Variants in RPS6KC1 observed in about 807,000 individuals in gnomAD.
The protein encoded by RPS6KC1 is inactive ribosomal protein S6 kinase delta-1.
In RPS6KC1, 54 loss-of-function variants were observed where a neutral mutation model predicts 103.8. The observed-to-expected ratio is 0.52, with a 90% CI of 0.42 to 0.65. RPS6KC1 has a LOEUF of 0.65. Ranked by LOEUF, RPS6KC1 falls within the 30% of genes least tolerant of loss-of-function variation. RPS6KC1 has a pLI of 0.00. For missense variants in RPS6KC1, 1,151 were observed against 1,253.8 expected, an observed-to-expected ratio of 0.92 and a Z score of 1.24; for synonymous variants, 439 against 438.7, an observed-to-expected ratio of 1.00 and a Z score of -0.01.
the RPS6KC1 span, among the ~76,000 whole-genome samples, chr1:213,411,398 T>C: frequency 6.6e-6 from 1 of 152,172 alleles, no homozygotes; most frequent in African/African-American, 2.4e-5. Flanking sequence ...CAGTAGGCCA[T>C]CGGGCTTTTG....
the RPS6KC1 span, among the ~76,000 whole-genome samples, chr1:213,427,332 A>G: frequency 6.6e-6 from 1 of 152,140 alleles, no homozygotes; most frequent in Non-Finnish European, 1.5e-5. Flanking sequence ...ACCATCTAAG[A>G]ATTTTTTGTA....
At chr1:213,320,061 G>A in the RPS6KC1 span, among the ~76,000 whole-genome samples, 5 of 152,158 alleles carry the variant, frequency 3.3e-5, no homozygotes, top group Non-Finnish European at 7.4e-5. Context: ...AGAAGAAGAG[G>A]GTAGAATAAG....
the RPS6KC1 span, among the ~76,000 whole-genome samples, chr1:213,723,896 A>T: frequency 6.6e-6 from 1 of 151,542 alleles, no homozygotes; most frequent in Non-Finnish European, 1.5e-5. Flanking sequence ...ATGTCAAATA[A>T]TAATAAAGCC....
the RPS6KC1 span, among the ~76,000 whole-genome samples, chr1:213,398,082 A>T: frequency 2.0e-5 from 3 of 150,462 alleles, no homozygotes; most frequent in African/African-American, 7.4e-5. Context: ...CCCAGGCTGG[A>T]GTGCAGTGGT....
chr1:213,794,798 A>G, the RPS6KC1 span, among the ~76,000 whole-genome samples: 1 of 152,214 alleles, frequency 6.6e-6, no homozygotes, highest in South Asian at 2.1e-4. Context: ...TTAAAGGCAT[A>G]AGTGACAGTC....
At chr1:213,194,427 G>C (rs1282334178) in intron 8 of RPS6KC1, among the ~76,000 whole-genome samples, 2 of 151,988 alleles carry the variant, frequency 1.3e-5, no homozygotes, top group African/African-American at 4.8e-5. Context: ...TTCTCTGATG[G>C]TATGATTTAA....
In RPS6KC1 at chr1:213,129,881, G is replaced by T. The variant is rs778631756; in HGVS notation, c.827G>T (p.Gly276Val). The T allele has an allele frequency of 6.3e-7, 1 of 1,594,788 alleles. No homozygotes were observed. Among genetic ancestry groups the T allele is most frequent in the Non-Finnish European group, 8.5e-7 (1 of 1,175,346 alleles). Residue 276 changes from glycine to valine, a missense_variant, in exon 6 of 15, where the codon GGT becomes GTT. Physicochemically the swap from Gly to Val is moderately radical, Grantham distance 109. Around this residue, in one of 3 missense-constraint regions of RPS6KC1, gnomAD observed 959 missense variants for 1,006.3 expected, o/e 0.95. Coordinates refer to ENST00000366960, the MANE Select transcript of RPS6KC1 (RefSeq NM_012424.6). ...YRKGVDLLLEGVQGESSPTRR... is the reference protein window; with the variant it reads ...YRKGVDLLLEVVQGESSPTRR... ...AAGGGAGTTGATTTACTCCTAGAAGGTGTTCAAGGTATGGTTTTATGTATA... is the reference window on the plus strand; with the variant it reads ...AAGGGAGTTGATTTACTCCTAGAAGTTGTTCAAGGTATGGTTTTATGTATA...
chr1:213,080,685 C>T (rs1484467816), intron 3 of RPS6KC1, among the ~76,000 whole-genome samples: 1 of 152,142 alleles, frequency 6.6e-6, no homozygotes, highest in African/African-American at 2.4e-5. Context: ...CCACCTCAGC[C>T]CCCCGAGTAG....
chr1:213,420,092 G>A, the RPS6KC1 span, among the ~76,000 whole-genome samples: 3 of 152,186 alleles, frequency 2.0e-5, no homozygotes, highest in Non-Finnish European at 4.4e-5. Flanking sequence ...CAATTTATCA[G>A]TATTTTCCTG....
the RPS6KC1 span, among the ~76,000 whole-genome samples, chr1:213,463,312 T>C: frequency 1.3e-5 from 2 of 152,180 alleles, no homozygotes; most frequent in South Asian, 2.1e-4. Context: ...TAGGCTCTGC[T>C]TCAGTTTGAA....
the RPS6KC1 span, among the ~76,000 whole-genome samples, chr1:213,773,036 T>C: frequency 6.6e-6 from 1 of 152,214 alleles, no homozygotes; most frequent in Admixed American, 6.5e-5. Flanking sequence ...GACCATGTTC[T>C]GCAAAGCCTT....
chr1:213,429,504 G>A, the RPS6KC1 span, among the ~76,000 whole-genome samples: 1 of 152,118 alleles, frequency 6.6e-6, no homozygotes, highest in Non-Finnish European at 1.5e-5. Context: ...TCTTTCCCTC[G>A]CTACCTTTTT....
At chr1:213,585,855 G>T in the RPS6KC1 span, among the ~76,000 whole-genome samples, 2 of 152,098 alleles carry the variant, frequency 1.3e-5, no homozygotes, top group Non-Finnish European at 2.9e-5. Flanking sequence ...AAGACTGGGT[G>T]CCCAGGATGA....
the RPS6KC1 span, among the ~76,000 whole-genome samples, chr1:213,675,982 A>G: frequency 6.6e-6 from 1 of 152,150 alleles, no homozygotes; most frequent in Non-Finnish European, 1.5e-5. Context: ...AGCTAAACCT[A>G]TTACATCCTT....
At chr1:213,396,559 CA>C in the RPS6KC1 span, among the ~76,000 whole-genome samples, 4 of 152,174 alleles carry the variant, frequency 2.6e-5, no homozygotes, top group African/African-American at 7.2e-5. Flanking sequence ...GTACTAGTGT[CA>C]GGGGGCAGCT....
the RPS6KC1 span, among the ~76,000 whole-genome samples, chr1:213,708,678 G>A: frequency 6.6e-6 from 1 of 152,098 alleles, no homozygotes; most frequent in African/African-American, 2.4e-5. Flanking sequence ...TATGATATTA[G>A]CTGTGGGTTT....
the RPS6KC1 span, among the ~76,000 whole-genome samples, chr1:213,773,347 T>C: frequency 6.6e-6 from 1 of 151,506 alleles, no homozygotes. Flanking sequence ...CTCAGGAAGA[T>C]GGAGTGGATT....
chr1:213,142,518 G>A (rs2087187053), intron 6 of RPS6KC1, among the ~76,000 whole-genome samples: 1 of 152,054 alleles, frequency 6.6e-6, no homozygotes, highest in Non-Finnish European at 1.5e-5. Context: ...TGTAATTTGA[G>A]TATAGTCAAT....
the RPS6KC1 span, among the ~76,000 whole-genome samples, chr1:213,583,846 G>GA: frequency 5.8e-5 from 8 of 137,982 alleles, no homozygotes; most frequent in East Asian, 8.2e-4. Flanking sequence ...AAAGAAAAAA[G>GA]AAAAAAAAAG....
Sources: allele counts gnomAD v4.1 joint callset (sites outside exome capture counted in the v4.1 genomes callset), GRCh38; gene constraint gnomAD v4.1.1; regional missense constraint gnomAD v4.1.1; transcripts MANE v1.5; gene names NCBI Gene and HGNC (gene_info 2026-07-23, HGNC 2026-07-21).